Variants in PDSS2 observed in about 807,000 individuals in gnomAD.
PDSS2 encodes the protein all trans-polyprenyl-diphosphate synthase PDSS2.
A neutral mutation model predicts 44.5 loss-of-function variants in PDSS2; 31 were observed. That is an observed-to-expected ratio of 0.70 (90% confidence interval 0.52 to 0.94). The LOEUF (loss-of-function observed/expected upper bound fraction) is 0.94. Among genes scored for constraint, PDSS2 ranks in the 40% least tolerant of loss-of-function variants. PDSS2 has a pLI of 0.00. For missense variants in PDSS2, 452 were observed against 482.2 expected (o/e 0.94, Z 0.59); for synonymous variants, 157 against 180.3 (o/e 0.87, Z 1.03).
intron 1 of PDSS2, among the ~76,000 whole-genome samples, chr6:107,427,481 A>T (rs1225915385): frequency 6.6e-6 from 1 of 152,246 alleles, no homozygotes; most frequent in Non-Finnish European, 1.5e-5. Flanking sequence ...AGCCTTTATG[A>T]AATCAAACAT....
At chr6:107,283,327 TAAAAAGA>T (rs765159371) in intron 2 of PDSS2, among the ~76,000 whole-genome samples, 1 of 143,954 alleles carries the variant, frequency 6.9e-6, no homozygotes, top group Admixed American at 6.9e-5. Context: ...CCCTGTCTCT[TAAAAAGA>T]AAAAAGAAAA....
chr6:107,263,190 C>T (rs1037541559), intron 3 of PDSS2, among the ~76,000 whole-genome samples: 4 of 151,310 alleles, frequency 2.6e-5, no homozygotes, highest in African/African-American at 4.9e-5. Flanking sequence ...CGGTGGCTTA[C>T]GCCTGTAATC....
intron 1 of PDSS2, among the ~76,000 whole-genome samples, chr6:107,383,189 C>G (rs1372057115): frequency 1.4e-5 from 2 of 146,468 alleles, no homozygotes; most frequent in African/African-American, 5.1e-5. Flanking sequence ...ATCCCAGCTA[C>G]TAAGGAGGCC....
chr6:107,241,901 T>C (rs963962701), intron 4 of PDSS2, among the ~76,000 whole-genome samples: 4 of 152,160 alleles, frequency 2.6e-5, no homozygotes, highest in South Asian at 2.1e-4. Context: ...GTGTACTAAA[T>C]TGGCCCAAGG....
At position 107,238,906 on chromosome 6, in the gene PDSS2, T is replaced by G. The variant is rs149914716; in HGVS notation, c.702+6642A>C. Among the ~76,000 whole-genome samples, 125 of 152,322 alleles carry G rather than the reference T, an allele frequency of 8.2e-4. 1 individual carries two copies. The East Asian group carries it at 0.019, about 23-fold the overall frequency. ...AGAATCTCACTTTCAGGATTTTTTT[T>G]TTTAAGCAAATAGTATGAAATTGAG... On this transcript the variant is annotated intron_variant, in intron 4 of 7. Coordinates refer to ENST00000369037, the MANE Select transcript of PDSS2 (RefSeq NM_020381.4).
At chr6:107,318,883 G>C (rs890495266) in intron 2 of PDSS2, among the ~76,000 whole-genome samples, 1 of 152,136 alleles carries the variant, frequency 6.6e-6, no homozygotes, top group Non-Finnish European at 1.5e-5. Flanking sequence ...AGCTACTTGG[G>C]AGGCTGAGGC....
In PDSS2 at chr6:107,459,478, C is replaced by T; in HGVS notation, c.-193G>A. ...CTTTCTGCAGCCCAGGCTGGGCAAA[C>T]AACAGTCCCAGCTCAGCACTGCCCC... On this transcript the variant is annotated 5_prime_UTR_variant, in exon 1 of 8. Transcript: ENST00000369037. The surrounding 1 kb of genome is among the most constrained non-coding windows in gnomAD (Gnocchi z 4.3). 1.6e-6 allele frequency: 1 copy of T among 606,890 alleles called. No homozygotes were observed. Among genetic ancestry groups the T allele is most frequent in the Non-Finnish European group, 2.9e-6 (1 of 341,888 alleles). The allele number at this position is 606,890 out of a possible 1,614,324, so 37.6% of individuals were successfully genotyped here. A position where few individuals can be genotyped will look rare whatever the true frequency, so the allele number is the denominator to read the frequency against.
intron 2 of PDSS2, among the ~76,000 whole-genome samples, chr6:107,313,463 C>T (rs1777108541): frequency 6.6e-6 from 1 of 152,148 alleles, no homozygotes; most frequent in African/African-American, 2.4e-5. Flanking sequence ...AGCAATTCTC[C>T]TGCCTCAGCC....
intron 4 of PDSS2, among the ~76,000 whole-genome samples, chr6:107,244,359 T>C (rs1428820745): frequency 6.6e-6 from 1 of 152,242 alleles, no homozygotes; most frequent in African/African-American, 2.4e-5. Context: ...TTAGCTGTTG[T>C]CATCTTCATC....
chr6:107,248,386 C>G (rs1366141897), intron 3 of PDSS2, among the ~76,000 whole-genome samples: 2 of 150,806 alleles, frequency 1.3e-5, no homozygotes, highest in Admixed American at 6.6e-5. Context: ...AGAAAGATTC[C>G]AGGACTTTTG....
chr6:107,299,225 T>C (rs1776617789), intron 2 of PDSS2, among the ~76,000 whole-genome samples: 1 of 151,458 alleles, frequency 6.6e-6, no homozygotes, highest in Non-Finnish European at 1.5e-5. Flanking sequence ...CTCAGAACAT[T>C]TTTTGAGATC....
intron 1 of PDSS2, among the ~76,000 whole-genome samples, chr6:107,432,700 G>C (rs1781229097): frequency 6.6e-6 from 1 of 152,182 alleles, no homozygotes; most frequent in African/African-American, 2.4e-5. Flanking sequence ...GGAGGTTGCA[G>C]TGAGCCAAGA....
chr6:107,180,892 C>T lies in PDSS2; in HGVS notation c.1041+12930G>A, dbSNP rs187478923. ...TTGGAGATGATGTCTCACTCTGTCT[C>T]CCAGGCTGGAATGCAGGGGCGCAAT... On this transcript the variant is annotated intron_variant, in intron 7 of 7. Coordinates refer to ENST00000369037, the MANE Select transcript of PDSS2 (RefSeq NM_020381.4). Among the ~76,000 whole-genome samples the T allele has an allele frequency of 7.5e-4, 114 of 152,208 alleles. 2 individuals are homozygous for T. Among genetic ancestry groups the T allele is most frequent in the Non-Finnish European group, 2.6e-4 (18 of 68,022 alleles).
chr6:107,396,990 C>G (rs1325749769), intron 1 of PDSS2, among the ~76,000 whole-genome samples: 1 of 152,120 alleles, frequency 6.6e-6, no homozygotes, highest in African/African-American at 2.4e-5. Context: ...CTGAGCCTAT[C>G]CTTTGCCCTC....
chr6:107,406,426 C>T (rs1040381652), intron 1 of PDSS2, among the ~76,000 whole-genome samples: 1 of 152,020 alleles, frequency 6.6e-6, no homozygotes, highest in Non-Finnish European at 1.5e-5. Context: ...TGTAGGGAAA[C>T]CTTTTTATAG....
intron 1 of PDSS2, among the ~76,000 whole-genome samples, chr6:107,458,426 A>AAAAAAAAAAAAAAAAC (rs1562555803): frequency 7.1e-6 from 1 of 140,390 alleles, no homozygotes; most frequent in Non-Finnish European, 1.6e-5. Context: ...AAAAAAAAAA[A>AAAAAAAAAAAAAAAAC]AAAAAACTTT....
intron 2 of PDSS2, among the ~76,000 whole-genome samples, chr6:107,320,431 G>A (rs933106958): frequency 2.0e-5 from 3 of 152,098 alleles, no homozygotes; most frequent in Admixed American, 6.6e-5. Flanking sequence ...TGAATGTAAT[G>A]GTTTCCAAAA....
chr6:107,312,466 C>T (rs932215305), intron 2 of PDSS2, among the ~76,000 whole-genome samples: 1 of 152,138 alleles, frequency 6.6e-6, no homozygotes, highest in Non-Finnish European at 1.5e-5. Flanking sequence ...CAAACCCTGG[C>T]CCCACTACTA....
chr6:107,366,293 C>T (rs569758290), intron 1 of PDSS2, among the ~76,000 whole-genome samples: 14 of 151,860 alleles, frequency 9.2e-5, no homozygotes, highest in African/African-American at 7.2e-5. Flanking sequence ...GGGTCAAAGA[C>T]GAAATCATTT....
Sources: gnomAD v4.1 joint callset for allele counts (sites outside exome capture counted in the v4.1 genomes callset) on GRCh38, gnomAD v4.1.1 for gene constraint, Gnocchi (gnomAD v3.1) non-coding constraint, MANE v1.5 for transcripts, NCBI Gene and HGNC (gene_info 2026-07-23, HGNC 2026-07-21) for gene names.